SYT4: variants seen among roughly 807,000 people sequenced by gnomAD.
The protein encoded by SYT4 is synaptotagmin 4, also known as synaptotagmin-4.
A neutral mutation model predicts 32.9 loss-of-function variants in SYT4; 7 were observed. The ratio of observed to expected loss-of-function variants is 0.21; its 90% CI spans 0.12 to 0.40. SYT4 has a LOEUF of 0.40. Ranked by LOEUF, SYT4 falls within the 10% of genes least tolerant of loss-of-function variation. SYT4 has a pLI of 1.00. For synonymous variants in SYT4, 205 were observed against 186.2 expected, an observed-to-expected ratio of 1.10 and a Z score of -0.82; for missense variants, 480 against 488.0, an observed-to-expected ratio of 0.98 and a Z score of 0.16.
Position 43,270,475 on chromosome 18 carries a change from C to T in SYT4, c.1144G>A (p.Gly382Arg). ...VEFLVLDSER[G>R]SRNEVIGQLV... is the part of the protein sequence containing the mutation. ...TGCCCGATTACCTCATTTCGGGACC[C>T]CCTTTCAGAATCCAAAACCAAAAAT... The change falls in exon 4 of 4, where the codon GGG becomes AGG. Residue 382 changes from glycine (G) to arginine (R), a missense_variant. Transcript: ENST00000255224. 2 of 1,614,086 alleles carry T rather than the reference C, an allele frequency of 1.2e-6. No homozygotes were observed. Among genetic ancestry groups the T allele is most frequent in the South Asian group, 1.1e-5 (1 of 91,074 alleles).
Position 43,274,130 on chromosome 18 carries a change from T to G in SYT4, c.299A>C (p.Asp100Ala). 1 of 1,614,070 alleles carries G rather than the reference T, an allele frequency of 6.2e-7. No homozygotes were observed. The highest frequency in any genetic ancestry group is 8.5e-7 in the Non-Finnish European group (1 of 1,179,958). Residue 100 changes from aspartate to alanine, a missense_variant, in exon 2 of 4, where the codon GAT becomes GCT. Physicochemically the swap from Asp to Ala is moderately radical, Grantham distance 126. Transcript: ENST00000255224. ...NSLHLDLEKR[D>A]LNGNFPKTNL... The stretch of plus-strand genomic sequence containing the variant: ...GGTTTTGGGAAAATTGCCATTGAGA[T>G]CTCTCTTTTCAAGATCCAGATGCAA...
chr18:43,272,663 G>C (rs1292058242), intron 2 of SYT4, among the ~76,000 whole-genome samples: 1 of 152,066 alleles, frequency 6.6e-6, no homozygotes, highest in Non-Finnish European at 1.5e-5. Flanking sequence ...ACTAATATGG[G>C]ACAGCTGTAT....
rs1908523995 is a variant in SYT4 at position 43,268,475 on chromosome 18, G to A, written c.*1866C>T. On this transcript the variant is annotated 3_prime_UTR_variant, in exon 4 of 4. Transcript: ENST00000255224. ...CAGCTGCTACCACCATTAACTTCTG[G>A]CTGCCGTGAAGAATACTTAGAATTG... 1 of 151,416 alleles carries A rather than the reference G, an allele frequency of 6.6e-6. No individual in the cohort carries two copies. The highest frequency in any genetic ancestry group is 2.4e-5 in the African/African-American group (1 of 41,250). 9.4% of individuals were successfully genotyped at this position (151,416 alleles called of 1,614,324 possible). A position where few individuals can be genotyped will look rare whatever the true frequency, so the allele number is the denominator to read the frequency against.
At position 43,274,238 on chromosome 18, in the gene SYT4, G is replaced by A; in HGVS notation, c.191C>T (p.Pro64Leu). 1 of 1,613,898 alleles carries A rather than the reference G, an allele frequency of 6.2e-7. No homozygotes were observed. The highest frequency in any genetic ancestry group is 2.2e-5 in the East Asian group (1 of 44,836). ...VHVLKGVDIY[P>L]ENLNSKKKFG... Reference sequence around the variant, plus strand: ...CTTCTTTTTGCTATTTAGGTTTTCAGGGTAAATATCAACTCCCTTAAGCAC... The same window carrying A: ...CTTCTTTTTGCTATTTAGGTTTTCAAGGTAAATATCAACTCCCTTAAGCAC... Residue 64 changes from proline to leucine, a missense_variant, in exon 2 of 4, where the codon CCT becomes CTT. Transcript: ENST00000255224.
chr18:43,270,263 T>C lies in SYT4; in HGVS notation c.*78A>G. ...AAAAAGGTAGCTTGATTTCCCAAGC[T>C]TGCAATCCAATATAGAAAGAAAGAA... On this transcript the variant is annotated 3_prime_UTR_variant, in exon 4 of 4. Coordinates refer to ENST00000255224, the MANE Select transcript of SYT4 (RefSeq NM_020783.4). The C allele has an allele frequency of 4.1e-6, 6 of 1,472,444 alleles. No homozygotes were observed. The highest frequency in any genetic ancestry group is 1.3e-5 in the South Asian group (1 of 76,880). The allele number at this position is 1,472,444 out of a possible 1,614,324, so 91.2% of individuals were successfully genotyped here.
chr18:43,274,231 G>C lies in SYT4; in HGVS notation c.198C>G (p.Asn66Lys). The change falls in exon 2 of 4, where the codon AAC becomes AAG. Residue 66 changes from asparagine to lysine, a missense_variant. Physicochemically the swap from Asn to Lys is moderately conservative, Grantham distance 94. Transcript: ENST00000255224. ...CTCCAAACTTCTTTTTGCTATTTAG[G>C]TTTTCAGGGTAAATATCAACTCCCT... ...VLKGVDIYPENLNSKKKFGAD... is the reference protein window; with the variant it reads ...VLKGVDIYPEKLNSKKKFGAD... 6.2e-7 allele frequency: 1 copy of C among 1,613,756 alleles called. No individual in the cohort carries two copies. Among genetic ancestry groups the C allele is most frequent in the Non-Finnish European group, 8.5e-7 (1 of 1,179,900 alleles).
chr18:43,275,633 C>G (rs879860768), intron 1 of SYT4, among the ~76,000 whole-genome samples: 1 of 151,982 alleles, frequency 6.6e-6, no homozygotes, highest in Non-Finnish European at 1.5e-5. Context: ...CAATCTACTT[C>G]ACAATTATAA....
chr18:43,273,396 GT>G (rs1908689746), intron 2 of SYT4, among the ~76,000 whole-genome samples, 183 bp downstream of exon 2: 1 of 151,990 alleles, frequency 6.6e-6, no homozygotes, highest in Admixed American at 6.6e-5. Flanking sequence ...GAGTATTTCA[GT>G]TATGGATTAA....
chr18:43,275,914 C>A (rs1249743328), intron 1 of SYT4, among the ~76,000 whole-genome samples: 2 of 152,122 alleles, frequency 1.3e-5, no homozygotes, highest in Non-Finnish European at 2.9e-5. Flanking sequence ...CACCCACATT[C>A]CTGGACCATA....
At chr18:43,271,561 G>A (rs754435330) in intron 3 of SYT4, 151 bp downstream of exon 3, 5 of 1,028,108 alleles carry the variant, frequency 4.9e-6, no homozygotes, top group Admixed American at 3.0e-5. Flanking sequence ...TTCATTTTTT[G>A]TAAAGCTAGT....
chr18:43,275,762 T>C (rs1326465666), intron 1 of SYT4, among the ~76,000 whole-genome samples: 1 of 152,054 alleles, frequency 6.6e-6, no homozygotes, highest in Non-Finnish European at 1.5e-5. Context: ...CATGTAAAGA[T>C]GAAATAAACC....
chr18:43,270,810 T>C (rs778199450), intron 3 of SYT4, among the ~76,000 whole-genome samples, 162 bp from the exon 4 acceptor site: 8 of 151,974 alleles, frequency 5.3e-5, no homozygotes, highest in Non-Finnish European at 8.8e-5. Flanking sequence ...GCATTTCTCT[T>C]GTCAACAGAA....
chr18:43,271,423 A>G (rs1328337471), intron 3 of SYT4, among the ~76,000 whole-genome samples: 1 of 152,172 alleles, frequency 6.6e-6, no homozygotes, highest in Non-Finnish European at 1.5e-5. Flanking sequence ...CAGTTTGTAC[A>G]GTTTAAGAAA....
chr18:43,271,433 A>G (rs940773203), intron 3 of SYT4, among the ~76,000 whole-genome samples: 1 of 152,150 alleles, frequency 6.6e-6, no homozygotes, highest in African/African-American at 2.4e-5. Context: ...AGTTTAAGAA[A>G]CATACCCAAT....
intron 2 of SYT4, 65 bp downstream of exon 2, chr18:43,273,515 C>T: frequency 6.9e-6 from 8 of 1,164,448 alleles, no homozygotes; most frequent in South Asian, 3.3e-5. Context: ...ATAAAAATTC[C>T]TTAGACACCA....
intron 2 of SYT4, 32 bp from the exon 3 acceptor site, chr18:43,271,864 C>A (rs768789199): frequency 6.3e-7 from 1 of 1,597,848 alleles, no homozygotes; most frequent in Non-Finnish European, 8.5e-7. Context: ...ATAAGTATTT[C>A]TATCTTTTTA....
In SYT4 at chr18:43,268,352, T is replaced by G. The variant is rs1908518236; in HGVS notation, c.*1989A>C. ...TTTAAATTTTAAAAGCTAAAAACTA[T>G]TTACAAATTATCCATTTTAATTTTA... On this transcript the variant is annotated 3_prime_UTR_variant, in exon 4 of 4. Transcript: ENST00000255224. 1 of 152,260 alleles carries G rather than the reference T, an allele frequency of 6.6e-6. No individual in the cohort carries two copies. The highest frequency in any genetic ancestry group is 2.4e-5 in the African/African-American group (1 of 41,438). 9.4% of individuals were successfully genotyped at this position (152,260 alleles called of 1,614,324 possible).
In SYT4 at chr18:43,275,064, CTCAG is replaced by C. The variant is rs535037246; in HGVS notation, c.35-674_35-671del. Among the ~76,000 whole-genome samples the C allele has an allele frequency of 5.4e-3, 817 of 152,190 alleles. 5 individuals are homozygous for C. Among genetic ancestry groups the C allele is most frequent in the Admixed American group, 0.013 (196 of 15,278 alleles). ...CCCTTTGTATGACAATCCCAAATTT[CTCAG>C]TCAAACACTGAATTATACAAAGTAT... On this transcript the variant is annotated intron_variant, in intron 1 of 3. Transcript: ENST00000255224.
At position 43,270,130 on chromosome 18, in the gene SYT4, GA is replaced by G. The variant is rs1456998661; in HGVS notation, c.*210del. On this transcript the variant is annotated 3_prime_UTR_variant, in exon 4 of 4. Transcript: ENST00000255224. ...CTGAAGGAGATATTGAATATCTTATGAAAATTTATCCAACTCTTCTAATAAA... is the reference window on the plus strand; with the variant it reads ...CTGAAGGAGATATTGAATATCTTATGAAATTTATCCAACTCTTCTAATAAA... 1.6e-5 allele frequency: 9 copies of G among 566,260 alleles called. No homozygotes were observed. The East Asian group carries it at 2.6e-4, about 16-fold the overall frequency. The allele number at this position is 566,260 out of a possible 1,614,324, so 35.1% of individuals were successfully genotyped here.
Sources: gnomAD v4.1 joint callset for allele counts (sites outside exome capture counted in the v4.1 genomes callset) on GRCh38, gnomAD v4.1.1 for gene constraint, MANE v1.5 for transcripts, NCBI Gene and HGNC (gene_info 2026-07-23, HGNC 2026-07-21) for gene names.